The following KCNQ5 variants were observed in gnomAD, a reference collection of about 807,000 sequenced individuals.
The protein encoded by KCNQ5 is potassium voltage-gated channel subfamily Q member 5.
KCNQ5 carries 30 observed loss-of-function variants against 98.2 expected under a neutral mutation model. The ratio of observed to expected loss-of-function variants is 0.31; its 90% CI spans 0.23 to 0.41. KCNQ5 has a LOEUF of 0.41. KCNQ5 is among the 10% of genes least tolerant of loss of function. The pLI, the probability that KCNQ5 is intolerant of heterozygous loss-of-function variation, is 1.00. For synonymous variants in KCNQ5, 458 were observed against 449.4 expected, an observed-to-expected ratio of 1.02 and a Z score of -0.24; for missense variants, 835 against 1,182.5, an observed-to-expected ratio of 0.71 and a Z score of 4.31.
chr6:72,780,115 G>A (rs1164288432), intron 1 of KCNQ5, among the ~76,000 whole-genome samples: 1 of 152,076 alleles, frequency 6.6e-6, no homozygotes, highest in East Asian at 1.9e-4. Flanking sequence ...TCTTTACTAT[G>A]TTCTTGGCAT....
At chr6:73,055,449 T>A in intron 3 of KCNQ5, 1 of 1,545,306 alleles carries the variant, frequency 6.5e-7, no homozygotes, top group Non-Finnish European at 8.9e-7. Context: ...TCCTATGATG[T>A]CCCACCACCT....
At chr6:72,721,105 C>A (rs1157116879) in intron 1 of KCNQ5, among the ~76,000 whole-genome samples, 1 of 152,148 alleles carries the variant, frequency 6.6e-6, no homozygotes, top group East Asian at 1.9e-4. Flanking sequence ...ATTTTATCTA[C>A]ACCTCAGCTT....
intron 3 of KCNQ5, among the ~76,000 whole-genome samples, chr6:73,061,693 C>T (rs983230542): frequency 6.6e-6 from 1 of 152,192 alleles, no homozygotes; most frequent in Non-Finnish European, 1.5e-5. Flanking sequence ...ATTTGCTCTT[C>T]ATATATTTCC....
At chr6:72,909,243 G>A (rs1779824318) in intron 1 of KCNQ5, among the ~76,000 whole-genome samples, 1 of 152,112 alleles carries the variant, frequency 6.6e-6, no homozygotes, top group Admixed American at 6.6e-5. Flanking sequence ...AACTGATAGT[G>A]TTCTCTAGAG....
intron 1 of KCNQ5, among the ~76,000 whole-genome samples, chr6:72,932,592 G>T (rs1765735569): frequency 6.6e-6 from 1 of 151,922 alleles, no homozygotes; most frequent in South Asian, 2.1e-4. Flanking sequence ...GTAAGAGAAA[G>T]CTGTTATTCT....
At chr6:73,052,647 T>C (rs1220335056) in intron 3 of KCNQ5, among the ~76,000 whole-genome samples, 1 of 152,160 alleles carries the variant, frequency 6.6e-6, no homozygotes, top group Non-Finnish European at 1.5e-5. Flanking sequence ...CTAAGCTTCA[T>C]AAATGAAGGA....
intron 1 of KCNQ5, among the ~76,000 whole-genome samples, chr6:72,632,138 C>CTTTTTTTTT (rs71540354): frequency 2.2e-4 from 28 of 127,662 alleles, no homozygotes; most frequent in Non-Finnish European, 3.9e-4. Flanking sequence ...TTCTTTCTTT[C>CTTTTTTTTT]TTTTTTTTTT....
At chr6:73,068,303 T>C (rs1006112093) in intron 3 of KCNQ5, among the ~76,000 whole-genome samples, 19 of 151,952 alleles carry the variant, frequency 1.3e-4, no homozygotes, top group African/African-American at 4.6e-4. Flanking sequence ...TCTCAAAAAA[T>C]AATAATAATA....
At chr6:73,158,538 T>A (rs188797680) in intron 10 of KCNQ5, among the ~76,000 whole-genome samples, 1 of 152,232 alleles carries the variant, frequency 6.6e-6, no homozygotes, top group Non-Finnish European at 1.5e-5. Context: ...AGTGCTAAGA[T>A]TACAGACATG....
chr6:72,717,925 A>T (rs1308684880), intron 1 of KCNQ5, among the ~76,000 whole-genome samples: 1 of 152,186 alleles, frequency 6.6e-6, no homozygotes, highest in Non-Finnish European at 1.5e-5. Context: ...CAGTACTACC[A>T]AGAGTAGTTG....
intron 1 of KCNQ5, among the ~76,000 whole-genome samples, chr6:72,982,291 G>A (rs1190298300): frequency 6.6e-6 from 1 of 152,146 alleles, no homozygotes; most frequent in Non-Finnish European, 1.5e-5. Context: ...GGGAGTCTAA[G>A]TCTCTTTGTA....
At chr6:72,921,564 G>A (rs1184918038) in intron 1 of KCNQ5, among the ~76,000 whole-genome samples, 5 of 152,130 alleles carry the variant, frequency 3.3e-5, no homozygotes, top group Non-Finnish European at 5.9e-5. Flanking sequence ...GTTGTATGAC[G>A]TTGCTTGCAT....
intron 3 of KCNQ5, among the ~76,000 whole-genome samples, chr6:73,076,379 C>T (rs769001545): frequency 6.6e-6 from 1 of 152,194 alleles, no homozygotes; most frequent in Non-Finnish European, 1.5e-5. Flanking sequence ...ATGTTAAAGT[C>T]AAGCTAACTT....
chr6:72,886,455 G>T (rs887792582), intron 1 of KCNQ5, among the ~76,000 whole-genome samples: 1 of 151,870 alleles, frequency 6.6e-6, no homozygotes, highest in Non-Finnish European at 1.5e-5. Flanking sequence ...TGAAAGAGAA[G>T]TTAAAAGGTA....
chr6:72,678,042 C>T (rs539679466), intron 1 of KCNQ5, among the ~76,000 whole-genome samples: 8 of 152,104 alleles, frequency 5.3e-5, no homozygotes, highest in Non-Finnish European at 8.8e-5. Flanking sequence ...GGTTAGAGGC[C>T]TGTTAGCATA....
In KCNQ5 at chr6:72,622,643, C is replaced by T. The variant is rs1474852597; in HGVS notation, c.398+56C>T. 5 of 1,592,016 alleles carry T rather than the reference C, an allele frequency of 3.1e-6. No homozygotes were observed. The highest frequency in any genetic ancestry group is 4.3e-6 in the Non-Finnish European group (5 of 1,169,210). Reference sequence around the variant, plus strand: ...TGCAGGGGACCACTGTCCCTGGCCCCCTGGGGCGTGCTCCGCGCTCGCGCC... The same window carrying T: ...TGCAGGGGACCACTGTCCCTGGCCCTCTGGGGCGTGCTCCGCGCTCGCGCC... On this transcript the variant is annotated intron_variant, in intron 1 of 13. Transcript: ENST00000370398. The surrounding 1 kb of genome is among the most constrained non-coding windows in gnomAD (Gnocchi z 6.0).
intron 3 of KCNQ5, among the ~76,000 whole-genome samples, chr6:73,075,210 CA>C (rs1263182759): frequency 4.1e-5 from 6 of 146,034 alleles, no homozygotes; most frequent in African/African-American, 1.3e-4. Context: ...TAGTAATAAT[CA>C]GCGTATAGTC....
At chr6:73,151,492 T>G (rs73458589) in intron 10 of KCNQ5, among the ~76,000 whole-genome samples, 3,341 of 152,344 alleles carry the variant, frequency 0.022, 125 homozygotes, top group African/African-American at 0.076. Flanking sequence ...GCATCTACAT[T>G]ATGTATACAT....
chr6:72,810,458 CAGGATTTCTGCTA>C (rs1459227660), intron 1 of KCNQ5, among the ~76,000 whole-genome samples: 1 of 152,140 alleles, frequency 6.6e-6, no homozygotes, highest in East Asian at 1.9e-4. Context: ...ATTGGAGAAC[CAGGATTTCTGCTA>C]TCTGACCAGA....
Sources: allele counts gnomAD v4.1 joint callset (sites outside exome capture counted in the v4.1 genomes callset), GRCh38; gene constraint gnomAD v4.1.1; non-coding constraint Gnocchi (gnomAD v3.1); transcripts MANE v1.5; gene names NCBI Gene and HGNC (gene_info 2026-07-23, HGNC 2026-07-21).